NRAP: variants seen among roughly 807,000 people sequenced by gnomAD.
NRAP encodes the protein nebulin-related-anchoring protein.
Under a neutral mutation model 225.9 loss-of-function variants are expected in NRAP, and 189 were observed. That is an observed-to-expected ratio of 0.84 (90% CI 0.74 to 0.94). The LOEUF is 0.94. Ranked by LOEUF, NRAP falls within the 40% of genes least tolerant of loss-of-function variation. NRAP has a pLI of 0.00. For missense variants in NRAP, 2,176 were observed against 2,168.7 expected (o/e 1.00, Z -0.07); for synonymous variants, 769 against 790.7 (o/e 0.97, Z 0.46).
At chr10:113,621,314 T>TAC (rs5788033) in intron 24 of NRAP, among the ~76,000 whole-genome samples, 3,601 of 150,924 alleles carry the variant, frequency 0.024, 109 homozygotes, top group African/African-American at 0.076. Context: ...AGGGTGTGTC[T>TAC]ACACACACAC....
chr10:113,632,272 G>T (rs1345368054), intron 16 of NRAP, among the ~76,000 whole-genome samples: 4 of 152,176 alleles, frequency 2.6e-5, no homozygotes, highest in Non-Finnish European at 4.4e-5. Context: ...TGCAAAGAGT[G>T]TATCATATTC....
At position 113,663,632 on chromosome 10, in the gene NRAP, C is replaced by T. The variant is rs3127123; in HGVS notation, c.72+179G>A. On this transcript the variant is annotated intron_variant, in intron 1 of 41. Transcript: ENST00000359988. ...AATGGATAACTTTTTTTTTTTGAGA[C>T]AACACAGAAGAAATAGAAATGTGTA... is the stretch of plus-strand genomic sequence containing the variant. 0.17 allele frequency among the ~76,000 whole-genome samples: 25,237 copies of T among 151,252 alleles called. 2,619 individuals are homozygous for T. Among genetic ancestry groups the T allele is most frequent in the Admixed American group, 0.3 (4,561 of 15,224 alleles).
intron 39 of NRAP, among the ~76,000 whole-genome samples, chr10:113,591,565 A>G (rs1845995591): frequency 6.6e-6 from 1 of 152,208 alleles, no homozygotes; most frequent in Admixed American, 6.5e-5. Flanking sequence ...TACTTATCCA[A>G]TTGTGGACCA....
At chr10:113,660,509 T>C (rs2134217151) in intron 3 of NRAP, among the ~76,000 whole-genome samples, 1 of 152,262 alleles carries the variant, frequency 6.6e-6, no homozygotes, top group Admixed American at 6.5e-5. Context: ...CTAGCCTTGC[T>C]CCAGGTTGGG....
At chr10:113,631,774 G>T in intron 17 of NRAP, 83 bp downstream of exon 17, 1 of 954,338 alleles carries the variant, frequency 1.0e-6, no homozygotes, top group Non-Finnish European at 1.7e-6. Context: ...AATGTTAAGA[G>T]TCATTATTTT....
At chr10:113,601,684 T>C (rs1236397782) in intron 35 of NRAP, among the ~76,000 whole-genome samples, 2 of 152,232 alleles carry the variant, frequency 1.3e-5, no homozygotes, top group Non-Finnish European at 2.9e-5. Flanking sequence ...TTTCTTTTTT[T>C]AGTGTGAAAA....
Position 113,590,539 on chromosome 10 carries a change from AG to A in NRAP, c.4956+38del, listed in dbSNP as rs1564688925. On this transcript the variant is annotated intron_variant, in intron 40 of 41. Transcript: ENST00000359988. ...TGGCCATCTCTTAGGAAGAGGCACCAGGGGAAGGGCCTCAAGGGAGTGGGTG... is the reference window on the plus strand; with the variant it reads ...TGGCCATCTCTTAGGAAGAGGCACCAGGGAAGGGCCTCAAGGGAGTGGGTG... 3 of 1,578,310 alleles carry A rather than the reference AG, an allele frequency of 1.9e-6. No homozygotes were observed. The Admixed American group carries it at 5.0e-5, about 27-fold the overall frequency.
Position 113,647,097 on chromosome 10 carries a change from C to A in NRAP, c.889-70G>T. On this transcript the variant is annotated intron_variant, in intron 9 of 41. Coordinates refer to ENST00000359988, the MANE Select transcript of NRAP (RefSeq NM_198060.4). ...CAGATGGGTGGGGTTCAGCAATGGT[C>A]ACTCATAGAGCCTATTCTCACAGAG... is the stretch of plus-strand genomic sequence containing the variant. 3 of 932,444 alleles carry A rather than the reference C, an allele frequency of 3.2e-6. No individual in the cohort carries two copies. In the South Asian group the frequency reaches 3.9e-5, roughly 12 times the overall value. The allele number at this position is 932,444 out of a possible 1,614,324, so 57.8% of individuals were successfully genotyped here.
At position 113,641,372 on chromosome 10, in the gene NRAP, G is replaced by T. The variant is rs1458279357; in HGVS notation, c.1316C>A (p.Ala439Glu). 2 of 1,610,524 alleles carry T rather than the reference G, an allele frequency of 1.2e-6. No homozygotes were observed. The highest frequency in any genetic ancestry group is 1.3e-5 in the African/African-American group (1 of 74,798). ...TGGCATAAAAGGACTCACGTTGCTT[G>T]CCAGGCTGCCAACTTTCATAGCATG... ...TLHAMKVGSL[A>E]SNVAYKADYK... Residue 439 changes from alanine (A) to glutamate (E), a missense_variant, in exon 13 of 42, where the codon GCA (alanine) becomes GAA (glutamate). Ala to Glu is a moderately radical substitution (Grantham distance 107). Around this residue, in one of 3 missense-constraint regions of NRAP, gnomAD observed 1,708 missense variants for 1,695.5 expected, o/e 1.01. Coordinates refer to ENST00000359988, the MANE Select transcript of NRAP (RefSeq NM_198060.4).
chr10:113,627,509 AGACGGG>A (rs1360374966), intron 20 of NRAP, among the ~76,000 whole-genome samples: 1 of 152,234 alleles, frequency 6.6e-6, no homozygotes, highest in Non-Finnish European at 1.5e-5. Flanking sequence ...TGTCCAAGAC[AGACGGG>A]GCTCTGATTG....
chr10:113,608,351 G>A (rs538955060), intron 32 of NRAP, 63 bp downstream of exon 32: 54 of 980,672 alleles, frequency 5.5e-5, no homozygotes, highest in Non-Finnish European at 7.3e-5. Flanking sequence ...ACACATTCAC[G>A]TGTATTTTTA....
At chr10:113,609,830 A>C (rs1310787074) in intron 31 of NRAP, among the ~76,000 whole-genome samples, 1 of 152,322 alleles carries the variant, frequency 6.6e-6, no homozygotes. Context: ...ATTGTACCAC[A>C]GGGCCACTCT....
chr10:113,633,024 A>G (rs1848658484), intron 16 of NRAP, 60 bp downstream of exon 16: 6 of 883,642 alleles, frequency 6.8e-6, no homozygotes, highest in Admixed American at 5.1e-5. Flanking sequence ...CCATCCTGTT[A>G]TCTTTGTTTT....
At chr10:113,637,808 G>T (rs1415853967) in intron 14 of NRAP, among the ~76,000 whole-genome samples, 6 of 152,106 alleles carry the variant, frequency 3.9e-5, no homozygotes, top group Non-Finnish European at 8.8e-5. Flanking sequence ...TGTAATCCCA[G>T]CTACTCGGGA....
intron 11 of NRAP, among the ~76,000 whole-genome samples, chr10:113,645,492 ACCGCGACCT>A (rs1849448982): frequency 1.3e-5 from 2 of 152,152 alleles, no homozygotes; most frequent in Admixed American, 6.5e-5. Context: ...ATCTCGGCTC[ACCGCGACCT>A]CCGCCTCCCG....
intron 31 of NRAP, among the ~76,000 whole-genome samples, chr10:113,608,789 G>A (rs1847155862): frequency 6.6e-6 from 1 of 152,118 alleles, no homozygotes; most frequent in Non-Finnish European, 1.5e-5. Flanking sequence ...TTAAATTTGT[G>A]GTTTGTTCCA....
At chr10:113,640,029 T>A (rs530260770) in intron 14 of NRAP, among the ~76,000 whole-genome samples, 198 bp downstream of exon 14, 1 of 152,318 alleles carries the variant, frequency 6.6e-6, no homozygotes, top group African/African-American at 2.4e-5. Flanking sequence ...CTAGTTCACA[T>A]TGAAAATCTA....
intron 9 of NRAP, among the ~76,000 whole-genome samples, chr10:113,649,114 C>A (rs567963202): frequency 2.6e-5 from 4 of 152,264 alleles, no homozygotes; most frequent in African/African-American, 9.6e-5. Flanking sequence ...GATTAAATGG[C>A]CTTTTAAATT....
chr10:113,592,888 G>A (rs1021418885), intron 38 of NRAP, among the ~76,000 whole-genome samples: 9 of 152,168 alleles, frequency 5.9e-5, no homozygotes, highest in Non-Finnish European at 1.0e-4. Flanking sequence ...GCACCTGACC[G>A]AGTACCTGAC....
Sources: allele counts gnomAD v4.1 joint callset (sites outside exome capture counted in the v4.1 genomes callset), GRCh38; gene constraint gnomAD v4.1.1; regional missense constraint gnomAD v4.1.1; transcripts MANE v1.5; gene names NCBI Gene and HGNC (gene_info 2026-07-23, HGNC 2026-07-21).